LRRTM4: variants seen among roughly 807,000 people sequenced by gnomAD.
LRRTM4 encodes leucine-rich repeat transmembrane neuronal protein 4.
A neutral mutation model predicts 47.6 loss-of-function variants in LRRTM4; 25 were observed. That is an observed-to-expected ratio of 0.53 (90% CI 0.38 to 0.73). The LOEUF (loss-of-function observed/expected upper bound fraction) is 0.73. LRRTM4 is among the 30% of genes least tolerant of loss of function. The probability of loss-of-function intolerance (pLI) is 0.00; values close to 1 mark genes in which losing one functional copy is unlikely to be tolerated. For synonymous variants in LRRTM4, 311 were observed against 269.5 expected (o/e 1.15, Z -1.51); for missense variants, 638 against 713.4 (o/e 0.89, Z 1.20).
chr2:77,440,311 G>A (rs1228737570), intron 3 of LRRTM4, among the ~76,000 whole-genome samples: 3 of 152,152 alleles, frequency 2.0e-5, no homozygotes, highest in African/African-American at 4.8e-5. Context: ...CTACTCAGGA[G>A]GCTGAGGCAG....
chr2:77,225,009 C>A (rs1302468586), intron 3 of LRRTM4, among the ~76,000 whole-genome samples: 7 of 151,998 alleles, frequency 4.6e-5, no homozygotes, highest in African/African-American at 7.2e-5. Context: ...TGTGGCACAT[C>A]TACACCATGG....
intron 3 of LRRTM4, among the ~76,000 whole-genome samples, chr2:77,447,377 C>G (rs1202386769): frequency 6.6e-6 from 1 of 151,936 alleles, no homozygotes; most frequent in African/African-American, 2.4e-5. Flanking sequence ...CAATTCTGCC[C>G]ACAAGAACAA....
At chr2:77,215,331 G>C (rs1674405739) in intron 3 of LRRTM4, among the ~76,000 whole-genome samples, 2 of 152,156 alleles carry the variant, frequency 1.3e-5, no homozygotes, top group African/African-American at 4.8e-5. Context: ...CCTTTACCTA[G>C]TAAAAAGGTG....
intron 3 of LRRTM4, among the ~76,000 whole-genome samples, chr2:77,350,917 AC>A (rs755180700): frequency 3.3e-5 from 5 of 152,048 alleles, no homozygotes; most frequent in Non-Finnish European, 7.4e-5. Context: ...AACAAACGAA[AC>A]TTTTTTAACT....
At chr2:77,092,301 C>G (rs1326313577) in intron 3 of LRRTM4, among the ~76,000 whole-genome samples, 1 of 151,852 alleles carries the variant, frequency 6.6e-6, no homozygotes, top group African/African-American at 2.4e-5. Flanking sequence ...CTGACATTCA[C>G]CCCATTTCCC....
chr2:77,405,405 C>A (rs1674143310), intron 3 of LRRTM4, among the ~76,000 whole-genome samples: 1 of 152,026 alleles, frequency 6.6e-6, no homozygotes, highest in African/African-American at 2.4e-5. Flanking sequence ...CCCTTTAAAA[C>A]CTGATTTCTG....
intron 3 of LRRTM4, among the ~76,000 whole-genome samples, chr2:76,918,641 A>C (rs1674332931): frequency 6.6e-6 from 1 of 151,366 alleles, no homozygotes; most frequent in Non-Finnish European, 1.5e-5. Flanking sequence ...CTGTGTAATC[A>C]CTCTTGGTGG....
At chr2:77,493,733 G>A (rs745405507) in intron 3 of LRRTM4, among the ~76,000 whole-genome samples, 19 of 151,950 alleles carry the variant, frequency 1.3e-4, no homozygotes, top group Non-Finnish European at 2.5e-4. Context: ...TGACATCAAC[G>A]AAATATCCAT....
chr2:77,413,371 A>G (rs1163986081), intron 3 of LRRTM4, among the ~76,000 whole-genome samples: 2 of 150,772 alleles, frequency 1.3e-5, no homozygotes. Flanking sequence ...GCCTCTCTTC[A>G]TGTAACCAAT....
chr2:77,320,357 C>T (rs1228621410), intron 3 of LRRTM4, among the ~76,000 whole-genome samples: 1 of 152,146 alleles, frequency 6.6e-6, no homozygotes, highest in Non-Finnish European at 1.5e-5. Flanking sequence ...TAATTTCCCA[C>T]AAGGGAGGTC....
chr2:77,211,688 G>A (rs773722253), intron 3 of LRRTM4, among the ~76,000 whole-genome samples: 20 of 152,126 alleles, frequency 1.3e-4, no homozygotes, highest in Non-Finnish European at 2.2e-4. Context: ...TACTACCCAT[G>A]ATCAATTTAA....
intron 3 of LRRTM4, among the ~76,000 whole-genome samples, chr2:76,878,865 C>T (rs911407326): frequency 4.6e-5 from 7 of 151,952 alleles, no homozygotes; most frequent in African/African-American, 1.7e-4. Context: ...AAGAGCAAGA[C>T]TCCATCTAAA....
intron 3 of LRRTM4, among the ~76,000 whole-genome samples, chr2:77,008,509 A>T (rs1446918140): frequency 6.6e-6 from 1 of 152,190 alleles, no homozygotes; most frequent in Non-Finnish European, 1.5e-5. Flanking sequence ...AGCTTTTTGA[A>T]TAAGGTTGCT....
At chr2:77,043,512 T>A (rs994259628) in intron 3 of LRRTM4, among the ~76,000 whole-genome samples, 3 of 151,784 alleles carry the variant, frequency 2.0e-5, no homozygotes, top group Admixed American at 6.6e-5. Flanking sequence ...CCTAAACGAA[T>A]GTCATTGTGT....
intron 3 of LRRTM4, among the ~76,000 whole-genome samples, chr2:77,152,483 C>G (rs535450343): frequency 9.7e-4 from 147 of 152,164 alleles, no homozygotes; most frequent in African/African-American, 3.4e-3. Context: ...TGTGTGCCAC[C>G]ACGCCGGGCT....
At chr2:76,875,303 T>C (rs905292164) in intron 3 of LRRTM4, among the ~76,000 whole-genome samples, 1 of 152,170 alleles carries the variant, frequency 6.6e-6, no homozygotes, top group African/African-American at 2.4e-5. Context: ...CACATCCTGA[T>C]TTCCCTCTTG....
chr2:77,246,987 G>A (rs554798089), intron 3 of LRRTM4, among the ~76,000 whole-genome samples: 17 of 151,974 alleles, frequency 1.1e-4, no homozygotes, highest in Admixed American at 6.6e-4. Context: ...TTGCAAAAAT[G>A]TTTTATATTT....
intron 3 of LRRTM4, among the ~76,000 whole-genome samples, chr2:77,427,114 G>T (rs939126982): frequency 6.6e-5 from 10 of 151,846 alleles, no homozygotes; most frequent in African/African-American, 2.4e-4. Flanking sequence ...GAGTAGCTGG[G>T]ACTACAGGTG....
At chr2:77,030,067 T>G (rs547476115) in intron 3 of LRRTM4, among the ~76,000 whole-genome samples, 20 of 152,192 alleles carry the variant, frequency 1.3e-4, no homozygotes, top group Non-Finnish European at 2.8e-4. Context: ...ATTAAAAAAT[T>G]TCATGTGAAA....
Sources: allele counts gnomAD v4.1 joint callset (sites outside exome capture counted in the v4.1 genomes callset), GRCh38; gene constraint gnomAD v4.1.1; transcripts MANE v1.5; gene names NCBI Gene and HGNC (gene_info 2026-07-23, HGNC 2026-07-21).